The following NFIB variants were observed in gnomAD, a reference collection of about 807,000 sequenced individuals.
NFIB encodes the protein nuclear factor I B.
NFIB carries 11 observed loss-of-function variants against 61.5 expected under a neutral mutation model. That is an observed-to-expected ratio of 0.18 (90% CI 0.11 to 0.30). The LOEUF (loss-of-function observed/expected upper bound fraction) is 0.30, where lower values mean the gene tolerates loss of function less well. NFIB is among the 10% of genes least tolerant of loss of function. The pLI is 1.00. For synonymous variants in NFIB, 260 were observed against 216.5 expected (o/e 1.20, Z -1.76); for missense variants, 471 against 608.9 (o/e 0.77, Z 2.38).
At chr9:14,328,202 T>A (rs1293511051) in intron 1 of NFIB, among the ~76,000 whole-genome samples, 1 of 152,208 alleles carries the variant, frequency 6.6e-6, no homozygotes, top group Non-Finnish European at 1.5e-5. Flanking sequence ...TGGAGTGCAG[T>A]GGTGCTATCA....
chr9:14,386,329 T>A (rs1172899280), intron 1 of NFIB, among the ~76,000 whole-genome samples: 1 of 152,176 alleles, frequency 6.6e-6, no homozygotes, highest in Non-Finnish European at 1.5e-5. Flanking sequence ...TTGGATGAGT[T>A]AGTTTCTTAA....
the NFIB span, among the ~76,000 whole-genome samples, chr9:14,404,603 G>A: frequency 6.6e-6 from 1 of 152,194 alleles, no homozygotes; most frequent in Non-Finnish European, 1.5e-5. Context: ...TGAGGGCAGA[G>A]TCTACAGCTC....
chr9:14,176,443 C>T (rs779478278), intron 3 of NFIB, among the ~76,000 whole-genome samples: 12 of 152,062 alleles, frequency 7.9e-5, no homozygotes, highest in Admixed American at 2.6e-4. Flanking sequence ...AAAAAGATTA[C>T]GGTGCCCACC....
the NFIB span, among the ~76,000 whole-genome samples, chr9:14,445,138 T>C: frequency 6.6e-6 from 1 of 152,136 alleles, no homozygotes; most frequent in Admixed American, 6.5e-5. Flanking sequence ...TGCTGGTATA[T>C]AGGAATGTAG....
intron 10 of NFIB, chr9:14,102,637 G>GAA (rs56666602): frequency 5.3e-4 from 227 of 430,334 alleles, no homozygotes; most frequent in African/African-American, 3.0e-3. Flanking sequence ...GCAACTTAAA[G>GAA]AAAAAAAAAA....
chr9:14,184,905 C>A (rs10756535), intron 2 of NFIB, among the ~76,000 whole-genome samples: 13,678 of 152,068 alleles, frequency 0.09, 907 homozygotes, highest in East Asian at 0.33. Flanking sequence ...CACCTGTAAT[C>A]CCAGCTACTT....
intron 2 of NFIB, among the ~76,000 whole-genome samples, chr9:14,216,540 CTCCCTCTGTGTGTGTGTGTGTGTG>C (rs1276211177): frequency 4.4e-4 from 13 of 29,382 alleles, no homozygotes; most frequent in African/African-American, 2.6e-3. Flanking sequence ...CTCTCTCTCT[CTCCCTCTGTGTGTGTGTGTGTGTG>C]TGTGTGTGTG....
At chr9:14,379,187 A>G (rs1564043754) in intron 1 of NFIB, among the ~76,000 whole-genome samples, 2 of 152,004 alleles carry the variant, frequency 1.3e-5, no homozygotes, top group African/African-American at 4.8e-5. Context: ...TCCCTTCATG[A>G]CTCTGTTTCT....
At chr9:14,396,083 T>G (rs2061683492) in intron 1 of NFIB, among the ~76,000 whole-genome samples, 1 of 152,178 alleles carries the variant, frequency 6.6e-6, no homozygotes, top group Non-Finnish European at 1.5e-5. Context: ...CCGATTCCTA[T>G]ATCTATATTG....
At chr9:14,207,624 T>TC (rs2049879203) in intron 2 of NFIB, among the ~76,000 whole-genome samples, 1 of 152,082 alleles carries the variant, frequency 6.6e-6, no homozygotes, top group Non-Finnish European at 1.5e-5. Flanking sequence ...CCTTCCTCCT[T>TC]CCCCACAAAC....
At chr9:14,134,963 C>CA (rs1389596699) in intron 6 of NFIB, among the ~76,000 whole-genome samples, 4 of 131,684 alleles carry the variant, frequency 3.0e-5, no homozygotes, top group South Asian at 2.6e-4. Flanking sequence ...ATTATAAAGA[C>CA]AAAAAAACTT....
At chr9:14,310,642 A>G (rs933891885) in intron 1 of NFIB, among the ~76,000 whole-genome samples, 4 of 152,220 alleles carry the variant, frequency 2.6e-5, no homozygotes, top group Non-Finnish European at 5.9e-5. Flanking sequence ...CTTTAAAAAA[A>G]GCAAAACATA....
the NFIB span, among the ~76,000 whole-genome samples, chr9:14,497,838 G>A: frequency 6.6e-6 from 1 of 152,196 alleles, no homozygotes; most frequent in African/African-American, 2.4e-5. Context: ...TTGATTGGCT[G>A]AGTAAAGGAC....
At chr9:14,273,770 T>TAC (rs369108749) in intron 2 of NFIB, among the ~76,000 whole-genome samples, 327 of 152,272 alleles carry the variant, frequency 2.1e-3, no homozygotes, top group African/African-American at 7.4e-3. Context: ...TCTCCACCCC[T>TAC]ACTTCCTTCC....
At chr9:14,467,609 G>T in the NFIB span, among the ~76,000 whole-genome samples, 1 of 151,834 alleles carries the variant, frequency 6.6e-6, no homozygotes, top group African/African-American at 2.4e-5. Context: ...CAGTCAATTG[G>T]CATTCATTCA....
intron 1 of NFIB, among the ~76,000 whole-genome samples, chr9:14,360,822 C>T (rs986208113): frequency 9.2e-5 from 14 of 151,906 alleles, no homozygotes; most frequent in African/African-American, 2.9e-4. Flanking sequence ...GGCCTCAAGC[C>T]TGGGATTACA....
chr9:14,167,465 A>G (rs184155556), intron 3 of NFIB, among the ~76,000 whole-genome samples: 182 of 152,236 alleles, frequency 1.2e-3, no homozygotes, highest in Non-Finnish European at 2.2e-3. Context: ...CCTGGGAGGC[A>G]GGGGTTGCAA....
intron 10 of NFIB, among the ~76,000 whole-genome samples, chr9:14,111,910 GC>G (rs1219005042): frequency 6.6e-6 from 1 of 152,068 alleles, no homozygotes; most frequent in Non-Finnish European, 1.5e-5. Context: ...TATGCAGTCT[GC>G]CCCCTTGGGC....
upstream of NFIB, among the ~76,000 whole-genome samples, chr9:14,316,510 G>T (rs2060544529): frequency 6.6e-6 from 1 of 152,270 alleles, no homozygotes; most frequent in African/African-American, 2.4e-5. Context: ...CCTGGAGTCA[G>T]CGTTCTGACA....
Sources: allele counts gnomAD v4.1 joint callset (sites outside exome capture counted in the v4.1 genomes callset), GRCh38; gene constraint gnomAD v4.1.1; transcripts MANE v1.5; gene names NCBI Gene and HGNC (gene_info 2026-07-23, HGNC 2026-07-21).